The following MDN1 variants were observed in gnomAD, a reference collection of about 807,000 sequenced individuals.
MDN1 encodes midasin.
Under a neutral mutation model 669.2 loss-of-function variants are expected in MDN1, and 266 were observed. That is an observed-to-expected ratio of 0.40 (90% CI 0.36 to 0.44). The LOEUF (loss-of-function observed/expected upper bound fraction) is 0.44, where lower values mean the gene tolerates loss of function less well. Ranked by LOEUF, MDN1 falls within the 20% of genes least tolerant of loss-of-function variation. MDN1 has a pLI of 1.00. For synonymous variants in MDN1, 2,385 were observed against 2,457.1 expected, an observed-to-expected ratio of 0.97 and a Z score of 0.87; for missense variants, 5,940 against 6,754.0, an observed-to-expected ratio of 0.88 and a Z score of 4.22.
chr6:89,760,707 C>G (rs1240515612), intron 17 of MDN1, among the ~76,000 whole-genome samples: 1 of 151,872 alleles, frequency 6.6e-6, no homozygotes, highest in East Asian at 1.9e-4. Flanking sequence ...ATAAATAGAA[C>G]CAGAGAATAT....
chr6:89,646,657 T>C (rs1032378959), intron 99 of MDN1, 54 bp from the exon 100 acceptor site: 6 of 1,460,424 alleles, frequency 4.1e-6, no homozygotes, highest in South Asian at 2.3e-5. Flanking sequence ...GCTCTTCTCA[T>C]TGTCAAAGAG....
intron 1 of MDN1, among the ~76,000 whole-genome samples, chr6:89,818,317 T>A (rs292237): frequency 0.28 from 24,103 of 86,228 alleles, 2,478 homozygotes; most frequent in South Asian, 0.36. Context: ...CGTGCCTCCG[T>A]CTCAAAAAAA....
intron 11 of MDN1, among the ~76,000 whole-genome samples, chr6:89,777,341 G>C (rs147701665): frequency 2.0e-5 from 3 of 152,300 alleles, no homozygotes; most frequent in African/African-American, 7.2e-5. Flanking sequence ...TTATGACAGA[G>C]CAATCTAACA....
At chr6:89,799,521 T>C (rs913314570) in intron 2 of MDN1, among the ~76,000 whole-genome samples, 1 of 152,146 alleles carries the variant, frequency 6.6e-6, no homozygotes, top group African/African-American at 2.4e-5. Flanking sequence ...CCACCTCTAC[T>C]AAAAATACAA....
chr6:89,758,159 T>C, intron 19 of MDN1, 96 bp downstream of exon 19: 1 of 929,884 alleles, frequency 1.1e-6, no homozygotes, highest in East Asian at 2.6e-5. Flanking sequence ...ACCGGGGACT[T>C]GCAGTGAGCC....
chr6:89,718,205 T>C (rs1439381390), intron 43 of MDN1, among the ~76,000 whole-genome samples, 161 bp downstream of exon 43: 1 of 152,232 alleles, frequency 6.6e-6, no homozygotes, highest in Admixed American at 6.5e-5. Context: ...TTCTGAATAC[T>C]TTACCTCAGC....
chr6:89,658,211 C>T lies in MDN1; in HGVS notation c.15181G>A (p.Glu5061Lys). 6.2e-7 allele frequency: 1 copy of T among 1,614,160 alleles called. No homozygotes were observed. Among genetic ancestry groups the T allele is most frequent in the Admixed American group, 1.7e-5 (1 of 60,028 alleles). ...GAAPEKEQGK[E>K]EHGSGAADAN... ...GCTGCAGTGAAACCACTGATCACCT[C>T]TTTCCCCTGCTCCTTCTCAGGTGCG... The change falls in exon 90 of 102, where the codon GAG (glutamate) becomes AAG (lysine). Residue 5061 changes from glutamate to lysine, a missense_variant and splice_region_variant. This residue lies in a region of MDN1 where 2,280 missense variants were observed against 2,576.3 expected (regional missense o/e 0.88). Transcript: ENST00000369393.
At chr6:89,808,464 G>C (rs1171762870) in intron 1 of MDN1, among the ~76,000 whole-genome samples, 2 of 152,004 alleles carry the variant, frequency 1.3e-5, no homozygotes, top group African/African-American at 4.8e-5. Flanking sequence ...TATTCAACTT[G>C]GTCGTTCCAC....
At position 89,642,712 on chromosome 6, in the gene MDN1, G is replaced by A. The variant is rs181084090; in HGVS notation, c.*1293C>T. ...ACAGCTGACTGACTGATCCAGCAGA[G>A]AAGATCAGTCCCCTAGCATACCTTT... On this transcript the variant is annotated 3_prime_UTR_variant, in exon 102 of 102. Transcript: ENST00000369393. 1 of 152,334 alleles carries A rather than the reference G, an allele frequency of 6.6e-6. No homozygotes were observed. The highest frequency in any genetic ancestry group is 6.5e-5 in the Admixed American group (1 of 15,306). 9.4% of individuals were successfully genotyped at this position (152,334 alleles called of 1,614,324 possible).
At chr6:89,689,090 T>C (rs562845396) in intron 65 of MDN1, among the ~76,000 whole-genome samples, 2 of 152,320 alleles carry the variant, frequency 1.3e-5, no homozygotes, top group South Asian at 4.1e-4. Flanking sequence ...TGCTTGAACC[T>C]GGGAGGCAGA....
At chr6:89,810,389 TC>T (rs1166271075) in intron 1 of MDN1, among the ~76,000 whole-genome samples, 1 of 151,972 alleles carries the variant, frequency 6.6e-6, no homozygotes, top group Non-Finnish European at 1.5e-5. Flanking sequence ...TGAACCGAGA[TC>T]GTGCCACTGT....
chr6:89,750,442 C>T lies in MDN1; in HGVS notation c.3318G>A (p.Val1106=). The change falls in exon 24 of 102, where the codon GTG becomes GTA. Residue 1106 remains valine, a synonymous_variant. Transcript: ENST00000369393. The part of the protein sequence containing the change: ...WLAAATGNHC[V]RINNHEHTDI... The stretch of plus-strand genomic sequence containing the variant: ...CCGTGTGTTCGTGATTATTAATACG[C>T]ACACAGTGGTTGCCAGTAGCTGCAG... 3 of 1,613,840 alleles carry T rather than the reference C, an allele frequency of 1.9e-6. No homozygotes were observed. The highest frequency in any genetic ancestry group is 1.1e-5 in the South Asian group (1 of 91,068).
In MDN1 at chr6:89,718,528, C is replaced by T; in HGVS notation, c.6421G>A (p.Glu2141Lys). ...TGACTCCAGGCTCGCAGCACTACTT[C>T]TGCATCATCAGCACTGATAAGGAGG... Reference protein sequence around the residue: ...DSLLISADDAEVVLRAWSHFL... With the variant: ...DSLLISADDAKVVLRAWSHFL... Residue 2141 changes from glutamate to lysine, a missense_variant, in exon 43 of 102, where the codon GAA becomes AAA. Coordinates refer to ENST00000369393, the MANE Select transcript of MDN1 (RefSeq NM_014611.3). 1 of 1,614,202 alleles carries T rather than the reference C, an allele frequency of 6.2e-7. No homozygotes were observed. The highest frequency in any genetic ancestry group is 1.1e-5 in the South Asian group (1 of 91,082).
chr6:89,698,428 CTT>C (rs983263603), intron 59 of MDN1, among the ~76,000 whole-genome samples: 3 of 152,152 alleles, frequency 2.0e-5, no homozygotes, highest in African/African-American at 7.2e-5. Context: ...AATGGAATAA[CTT>C]TTAAAAATAA....
chr6:89,732,812 C>A, intron 33 of MDN1, 37 bp from the exon 34 acceptor site: 1 of 1,591,344 alleles, frequency 6.3e-7, no homozygotes, highest in Non-Finnish European at 8.6e-7. Context: ...TTGCTGTTAA[C>A]GGGAGATCCC....
rs1812703539 is a variant in MDN1 at position 89,695,866 on chromosome 6, G to C, written c.9510C>G (p.Ser3170Arg). 1.2e-6 allele frequency: 2 copies of C among 1,613,502 alleles called. No individual in the cohort carries two copies. Among genetic ancestry groups the C allele is most frequent in the Admixed American group, 1.7e-5 (1 of 60,028 alleles). Reference sequence around the variant, plus strand: ...TCTGGCCCACATGCTGGAAGGCCTGGCTGCTCCCAAGCAGCAGCTGCTCAC... The same window carrying C: ...TCTGGCCCACATGCTGGAAGGCCTGCCTGCTCCCAAGCAGCAGCTGCTCAC... ...QNCEQLLLGS[S>R]QAFQHVGQTL... is the part of the protein sequence containing the mutation. Residue 3170 changes from serine to arginine, a missense_variant, in exon 61 of 102, where the codon AGC (serine) becomes AGG (arginine). Coordinates refer to ENST00000369393, the MANE Select transcript of MDN1 (RefSeq NM_014611.3). This position sits in a 1 kb window ranked among gnomAD's most constrained non-coding sequence, Gnocchi z 4.1.
chr6:89,685,442 G>A (rs937155771), intron 70 of MDN1, among the ~76,000 whole-genome samples: 3 of 152,030 alleles, frequency 2.0e-5, no homozygotes, highest in South Asian at 2.1e-4. Context: ...ACTTGACAGC[G>A]GGCAGTTTTA....
intron 84 of MDN1, among the ~76,000 whole-genome samples, chr6:89,666,450 A>G (rs997787863): frequency 1.3e-5 from 2 of 152,088 alleles, no homozygotes; most frequent in Non-Finnish European, 1.5e-5. Flanking sequence ...TTTTTAGTAG[A>G]GATGGAGTTT....
chr6:89,711,600 A>G (rs900483907), intron 49 of MDN1, among the ~76,000 whole-genome samples: 4 of 152,172 alleles, frequency 2.6e-5, no homozygotes, highest in Non-Finnish European at 5.9e-5. Context: ...ATACCAAGGG[A>G]CAACTCCAAG....
Sources: gnomAD v4.1 joint callset for allele counts (sites outside exome capture counted in the v4.1 genomes callset) on GRCh38, gnomAD v4.1.1 for gene constraint, gnomAD v4.1.1 regional missense constraint, Gnocchi (gnomAD v3.1) non-coding constraint, MANE v1.5 for transcripts, NCBI Gene and HGNC (gene_info 2026-07-23, HGNC 2026-07-21) for gene names.